Variants in MED1 observed in about 807,000 individuals in gnomAD.
MED1 encodes the protein mediator complex subunit 1, also known as mediator of RNA polymerase II transcription subunit 1.
Under a neutral mutation model 121.3 loss-of-function variants are expected in MED1, and 17 were observed. The observed-to-expected ratio is 0.14, with a 90% CI of 0.10 to 0.21. The LOEUF (loss-of-function observed/expected upper bound fraction) is 0.21, where lower values mean the gene tolerates loss of function less well. Ranked by LOEUF, MED1 falls within the 10% of genes least tolerant of loss-of-function variation. The pLI, the probability that MED1 is intolerant of heterozygous loss-of-function variation, is 1.00. For missense variants in MED1, 1,558 were observed against 1,919.4 expected (o/e 0.81, Z 3.52); for synonymous variants, 661 against 694.4 (o/e 0.95, Z 0.76).
At chr17:39,450,448 T>C (rs2048771518) in intron 1 of MED1, among the ~76,000 whole-genome samples, 1 of 152,220 alleles carries the variant, frequency 6.6e-6, no homozygotes, top group African/African-American at 2.4e-5. Flanking sequence ...CAGTTCACTG[T>C]ATCAACAGAA....
chr17:39,448,294 C>T (rs2048747820), intron 1 of MED1, among the ~76,000 whole-genome samples: 1 of 150,020 alleles, frequency 6.7e-6, no homozygotes, highest in African/African-American at 2.5e-5. Context: ...TGCTTGAATC[C>T]AGGAGGCAGA....
rs187319576 is a variant in MED1 at position 39,439,854 on chromosome 17, C to T, written c.399+532G>A. 2.2e-3 allele frequency among the ~76,000 whole-genome samples: 331 copies of T among 151,466 alleles called. 2 individuals carry two copies. The highest frequency in any genetic ancestry group is 3.9e-3 in the Non-Finnish European group (268 of 67,922). ...TTGGGAGGCTGAGGCAGGAGAATTG[C>T]TTGAATCCAGGAGGCAGAGATTACA... is the stretch of plus-strand genomic sequence containing the variant. On this transcript the variant is annotated intron_variant, in intron 5 of 16. Transcript: ENST00000300651.
At chr17:39,420,821 G>C (rs1427999119) in intron 13 of MED1, among the ~76,000 whole-genome samples, 1 of 127,282 alleles carries the variant, frequency 7.9e-6, no homozygotes, top group African/African-American at 2.9e-5. Context: ...TTGAGACAGA[G>C]TCTTGCTCTT....
At chr17:39,441,788 CA>C (rs1246272716) in intron 3 of MED1, among the ~76,000 whole-genome samples, 1 of 149,214 alleles carries the variant, frequency 6.7e-6, no homozygotes, top group Non-Finnish European at 1.5e-5. Context: ...AAAAAGAAAA[CA>C]AAAAAAGGTA....
rs1597879663 is a variant in MED1 at position 39,451,233 on chromosome 17, A to G, written c.-171T>C. 1 of 671,574 alleles carries G rather than the reference A, an allele frequency of 1.5e-6. No individual in the cohort carries two copies. 41.6% of individuals were successfully genotyped at this position (671,574 alleles called of 1,614,324 possible). A position where few individuals can be genotyped will look rare whatever the true frequency, so the allele number is the denominator to read the frequency against. The stretch of plus-strand genomic sequence containing the variant: ...GGCGGCAAGAAGAGAAGGGTGCTCG[A>G]GGCCGCCGCCATCTTCCCCAACGGA... On this transcript the variant is annotated 5_prime_UTR_variant, in exon 1 of 17. Coordinates refer to ENST00000300651, the MANE Select transcript of MED1 (RefSeq NM_004774.4).
At position 39,451,191 on chromosome 17, in the gene MED1, A is replaced by C. The variant is rs546221187; in HGVS notation, c.-129T>G. On this transcript the variant is annotated 5_prime_UTR_variant, in exon 1 of 17. Transcript: ENST00000300651. ...GCAGTCCCTACTCTTCCCGGGAAGG[A>C]TCAATCTGAAGTCCCCGGCGGCAAG... 7.9e-4 allele frequency: 836 copies of C among 1,059,814 alleles called. 1 individual carries two copies. The highest frequency in any genetic ancestry group is 3.4e-3 in the Middle Eastern group (16 of 4,746). 65.7% of individuals were successfully genotyped at this position (1,059,814 alleles called of 1,614,324 possible). A position where few individuals can be genotyped will look rare whatever the true frequency, so the allele number is the denominator to read the frequency against.
chr17:39,431,767 A>C (rs1205141078), intron 8 of MED1, among the ~76,000 whole-genome samples, 175 bp downstream of exon 8: 3 of 152,180 alleles, frequency 2.0e-5, no homozygotes, highest in Non-Finnish European at 2.9e-5. Context: ...GATAAAACCT[A>C]TGGTAACCAA....
At chr17:39,433,553 A>G (rs533915607) in intron 7 of MED1, among the ~76,000 whole-genome samples, 15 of 151,008 alleles carry the variant, frequency 9.9e-5, no homozygotes, top group African/African-American at 3.4e-4. Flanking sequence ...ATATACACAC[A>G]TATTTTTTCT....
chr17:39,447,317 G>A (rs538773018), intron 2 of MED1, among the ~76,000 whole-genome samples: 2 of 151,656 alleles, frequency 1.3e-5, no homozygotes, highest in Admixed American at 6.6e-5. Flanking sequence ...CTTGAACCTG[G>A]GAGGCAGAGG....
In MED1 at chr17:39,409,169, C is replaced by T; in HGVS notation, c.3052G>A (p.Glu1018Lys). The T allele has an allele frequency of 6.2e-7, 1 of 1,614,202 alleles. No homozygotes were observed. Among genetic ancestry groups the T allele is most frequent in the Non-Finnish European group, 8.5e-7 (1 of 1,180,038 alleles). Residue 1018 changes from glutamate to lysine, a missense_variant, in exon 17 of 17, where the codon GAG becomes AAG. Coordinates refer to ENST00000300651, the MANE Select transcript of MED1 (RefSeq NM_004774.4). ...GAACTATGAGATGGAGACTTTCCCT[C>T]AGTGTCTGCCTTCTTCCGCTTTGGA... ...KPPKRKKADT[E>K]GKSPSHSSSN... is the part of the protein sequence containing the mutation.
At position 39,407,605 on chromosome 17, in the gene MED1, G is replaced by C. The variant is rs930653823; in HGVS notation, c.4616C>G (p.Ser1539Cys). Residue 1539 changes from serine to cysteine, a missense_variant, in exon 17 of 17, where the codon TCT becomes TGT. This residue lies in a region of MED1 where 264 missense variants were observed against 326.1 expected (regional missense o/e 0.81). Coordinates refer to ENST00000300651, the MANE Select transcript of MED1 (RefSeq NM_004774.4). ...KPESWSKSPI[S>C]SDQSLSMTSN... ...TGTCATAGACAAGGACTGGTCTGAA[G>C]AGATGGGTGATTTGGACCAACTCTC... 8.1e-6 allele frequency: 13 copies of C among 1,614,032 alleles called. No homozygotes were observed. Among genetic ancestry groups the C allele is most frequent in the Non-Finnish European group, 1.1e-5 (13 of 1,180,036 alleles).
In MED1 at chr17:39,405,238, G is replaced by C; in HGVS notation, c.*2237C>G. 1 of 1,593,998 alleles carries C rather than the reference G, an allele frequency of 6.3e-7. No individual in the cohort carries two copies. Among genetic ancestry groups the C allele is most frequent in the Non-Finnish European group, 8.5e-7 (1 of 1,170,290 alleles). The stretch of plus-strand genomic sequence containing the variant: ...TTAAGCAAGTTCAGATGCTGGGTCA[G>C]TGTGGGGGTGAGCCCATCGACAATT... On this transcript the variant is annotated 3_prime_UTR_variant, in exon 17 of 17. Coordinates refer to ENST00000300651, the MANE Select transcript of MED1 (RefSeq NM_004774.4).
intron 13 of MED1, among the ~76,000 whole-genome samples, chr17:39,422,103 G>A (rs2144735509): frequency 1.4e-5 from 2 of 146,968 alleles, no homozygotes; most frequent in East Asian, 2.1e-4. Context: ...ACTCCAGCCT[G>A]GGCGACACAG....
chr17:39,412,447 C>T (rs1238939225), intron 16 of MED1, among the ~76,000 whole-genome samples: 1 of 149,786 alleles, frequency 6.7e-6, no homozygotes, highest in Non-Finnish European at 1.5e-5. Flanking sequence ...AGGCTGGTCT[C>T]GAACTCCTGA....
chr17:39,426,910 A>T (rs2144744146), intron 10 of MED1, among the ~76,000 whole-genome samples: 1 of 150,270 alleles, frequency 6.7e-6, no homozygotes, highest in South Asian at 2.1e-4. Flanking sequence ...TTTAATTTAG[A>T]AAACTTCACT....
intron 14 of MED1, among the ~76,000 whole-genome samples, chr17:39,416,939 G>A (rs2048414895): frequency 6.6e-6 from 1 of 152,184 alleles, no homozygotes; most frequent in African/African-American, 2.4e-5. Context: ...TGAGGAGCCT[G>A]AGGGAAGAGT....
At chr17:39,442,443 A>C (rs759465209) in intron 3 of MED1, among the ~76,000 whole-genome samples, 2 of 151,148 alleles carry the variant, frequency 1.3e-5, no homozygotes, top group South Asian at 4.2e-4. Flanking sequence ...TAAAAATACA[A>C]AACATTAGCC....
intron 5 of MED1, among the ~76,000 whole-genome samples, chr17:39,439,947 AG>A (rs1179888852): frequency 2.0e-5 from 3 of 150,502 alleles, no homozygotes; most frequent in Non-Finnish European, 3.0e-5. Context: ...AAAAAAAAAA[AG>A]AAAAAGAAGG....
At chr17:39,421,838 C>A (rs2048467767) in intron 13 of MED1, among the ~76,000 whole-genome samples, 2 of 151,502 alleles carry the variant, frequency 1.3e-5, no homozygotes. Flanking sequence ...CATTAAGAGT[C>A]TGTCACCCCG....
Sources: allele counts gnomAD v4.1 joint callset (sites outside exome capture counted in the v4.1 genomes callset), GRCh38; gene constraint gnomAD v4.1.1; regional missense constraint gnomAD v4.1.1; transcripts MANE v1.5; gene names NCBI Gene and HGNC (gene_info 2026-07-23, HGNC 2026-07-21).